The following HNF4G variants were observed in gnomAD, a reference collection of about 807,000 sequenced individuals.
The protein encoded by HNF4G is hepatocyte nuclear factor 4 gamma.
HNF4G carries 21 observed loss-of-function variants against 50.9 expected under a neutral mutation model. That is an observed-to-expected ratio of 0.41 (90% CI 0.29 to 0.59). The LOEUF (loss-of-function observed/expected upper bound fraction) is 0.59, where lower values mean the gene tolerates loss of function less well. Among genes scored for constraint, HNF4G ranks in the 20% least tolerant of loss-of-function variants. HNF4G has a pLI of 0.26. For synonymous variants in HNF4G, 198 were observed against 185.6 expected (o/e 1.07, Z -0.54); for missense variants, 527 against 559.4 (o/e 0.94, Z 0.58).
chr8:75,497,738 G>A (rs557127147), intron 2 of HNF4G, among the ~76,000 whole-genome samples: 9 of 151,546 alleles, frequency 5.9e-5, no homozygotes, highest in Non-Finnish European at 7.4e-5. Context: ...TGCTGAAGAC[G>A]AGCAAATCAT....
At chr8:75,512,248 A>T (rs1013550809) in intron 2 of HNF4G, among the ~76,000 whole-genome samples, 1 of 151,762 alleles carries the variant, frequency 6.6e-6, no homozygotes, top group Admixed American at 6.6e-5. Flanking sequence ...GCTAGCAGCA[A>T]TTTTATGTCT....
intron 2 of HNF4G, among the ~76,000 whole-genome samples, chr8:75,521,417 T>C (rs1806038777): frequency 6.6e-6 from 1 of 152,238 alleles, no homozygotes; most frequent in Admixed American, 6.5e-5. Context: ...TAAAAATCTA[T>C]TGATAATATT....
intron 1 of HNF4G, among the ~76,000 whole-genome samples, chr8:75,418,879 C>T (rs1810710277): frequency 6.6e-6 from 1 of 152,032 alleles, no homozygotes; most frequent in Non-Finnish European, 1.5e-5. Flanking sequence ...AGGCATGAGC[C>T]AGCATGCTTG....
chr8:75,471,141 T>C (rs1812103020), intron 1 of HNF4G, among the ~76,000 whole-genome samples: 1 of 152,214 alleles, frequency 6.6e-6, no homozygotes, highest in Admixed American at 6.5e-5. Flanking sequence ...GAGCATACTA[T>C]TATTTTTCAC....
chr8:75,472,503 TG>T (rs1288484131), intron 1 of HNF4G, among the ~76,000 whole-genome samples: 1 of 152,212 alleles, frequency 6.6e-6, no homozygotes, highest in Non-Finnish European at 1.5e-5. Context: ...CTCGTGAGGC[TG>T]GGAAGTGGTG....
At chr8:75,444,555 A>C (rs1284470588) in intron 1 of HNF4G, among the ~76,000 whole-genome samples, 5 of 123,956 alleles carry the variant, frequency 4.0e-5, no homozygotes, top group Non-Finnish European at 8.3e-5. Context: ...AGAGACACAC[A>C]TAGGCTCAAA....
At chr8:75,522,096 G>A (rs896321080) in intron 2 of HNF4G, among the ~76,000 whole-genome samples, 2 of 152,146 alleles carry the variant, frequency 1.3e-5, no homozygotes, top group Non-Finnish European at 2.9e-5. Flanking sequence ...AATTAGCTTT[G>A]GAGGCTATAA....
At chr8:75,438,804 T>A (rs1811203232) in intron 1 of HNF4G, among the ~76,000 whole-genome samples, 1 of 152,154 alleles carries the variant, frequency 6.6e-6, no homozygotes, top group Admixed American at 6.5e-5. Context: ...GTAACCAATT[T>A]CAGTGGGATT....
chr8:75,408,004 CA>C (rs1196214383), upstream of HNF4G: 3 of 152,158 alleles, frequency 2.0e-5, no homozygotes, highest in Admixed American at 2.0e-4. Context: ...GGGCTGGCCG[CA>C]GCGCACCGCC....
chr8:75,539,751 G>A, upstream of HNF4G: 1 of 433,604 alleles, frequency 2.3e-6, no homozygotes, highest in Non-Finnish European at 4.1e-6. Flanking sequence ...TTATCACAAG[G>A]AATTGCTTTC....
chr8:75,456,187 A>G (rs1280437285), intron 1 of HNF4G, among the ~76,000 whole-genome samples: 1 of 152,114 alleles, frequency 6.6e-6, no homozygotes, highest in African/African-American at 2.4e-5. Flanking sequence ...TATTCTCTGT[A>G]TAAGATCTTT....
At chr8:75,474,760 C>T (rs149502421) in intron 1 of HNF4G, among the ~76,000 whole-genome samples, 57 of 148,656 alleles carry the variant, frequency 3.8e-4, no homozygotes, top group Middle Eastern at 7.5e-3. Flanking sequence ...TGCAGTGGCG[C>T]GATCTTGGCT....
chr8:75,524,846 T>C (rs1163908354), intron 2 of HNF4G, among the ~76,000 whole-genome samples: 1 of 152,238 alleles, frequency 6.6e-6, no homozygotes, highest in Non-Finnish European at 1.5e-5. Context: ...AGTGTGCGTA[T>C]ATAGTATATG....
At chr8:75,553,000 C>T in intron 4 of HNF4G, 42 bp from the exon 5 acceptor site, 1 of 1,425,896 alleles carries the variant, frequency 7.0e-7, no homozygotes, top group South Asian at 1.3e-5. Flanking sequence ...TGTTGGCCAT[C>T]TATTATTTTA....
chr8:75,429,988 A>G (rs1252133036), intron 1 of HNF4G, among the ~76,000 whole-genome samples: 1 of 152,054 alleles, frequency 6.6e-6, no homozygotes, highest in Non-Finnish European at 1.5e-5. Context: ...CGTCTCTACT[A>G]AAAATATAAA....
intron 2 of HNF4G, among the ~76,000 whole-genome samples, chr8:75,493,706 GT>G (rs1160510191): frequency 2.6e-5 from 4 of 151,916 alleles, no homozygotes; most frequent in Non-Finnish European, 4.4e-5. Flanking sequence ...GCTTCATAGT[GT>G]TTTTTACCTG....
rs534205440 is a variant in HNF4G at position 75,418,878 on chromosome 8, C to T, written c.-144+10716C>T. Among the ~76,000 whole-genome samples the T allele has an allele frequency of 1.6e-4, 24 of 152,136 alleles. No individual in the cohort carries two copies. The South Asian group carries it at 4.2e-3, about 26-fold the overall frequency. ...GAGTAGCTGGGACTACAGGCATGAGCCAGCATGCTTGGCTAATTTTGTATT... is the reference window on the plus strand; with the variant it reads ...GAGTAGCTGGGACTACAGGCATGAGTCAGCATGCTTGGCTAATTTTGTATT... On this transcript the variant is annotated intron_variant, in intron 1 of 10. Transcript: ENST00000354370.
chr8:75,512,372 TG>T lies in HNF4G; in HGVS notation c.-24+22166del, dbSNP rs547514028. Among the ~76,000 whole-genome samples the T allele has an allele frequency of 1.9e-4, 29 of 151,524 alleles. No homozygotes were observed. The South Asian group carries it at 6.0e-3, about 32-fold the overall frequency. ...TTTGCAGTTTGCTAAGTTTTTATAG[TG>T]GATGGATATTGAATATTACCAAATG... On this transcript the variant is annotated intron_variant, in intron 2 of 10. Transcript: ENST00000354370.
chr8:75,481,364 ATCTGC>A (rs1812372727), intron 1 of HNF4G, among the ~76,000 whole-genome samples: 1 of 152,194 alleles, frequency 6.6e-6, no homozygotes, highest in Admixed American at 6.5e-5. Context: ...TGGAATATCC[ATCTGC>A]TCTTCTTACT....
Sources: allele counts gnomAD v4.1 joint callset (sites outside exome capture counted in the v4.1 genomes callset), GRCh38; gene constraint gnomAD v4.1.1; transcripts MANE v1.5; gene names NCBI Gene and HGNC (gene_info 2026-07-23, HGNC 2026-07-21).